The following KYNU variants were observed in gnomAD, a reference collection of about 807,000 sequenced individuals.
The protein encoded by KYNU is kynureninase, also known as L-kynurenine hydrolase.
A neutral mutation model predicts 59.2 loss-of-function variants in KYNU; 54 were observed. The observed-to-expected ratio is 0.91, with a 90% CI of 0.73 to 1.14. The LOEUF (loss-of-function observed/expected upper bound fraction) is 1.14, where lower values mean the gene tolerates loss of function less well. Among genes scored for constraint, KYNU ranks in the 50% most tolerant of loss-of-function variants. KYNU has a pLI of 0.00. For missense variants in KYNU, 567 were observed against 554.4 expected, an observed-to-expected ratio of 1.02 and a Z score of -0.23; for synonymous variants, 177 against 192.0, an observed-to-expected ratio of 0.92 and a Z score of 0.65.
Position 142,923,849 on chromosome 2 carries a change from C to T in KYNU, c.291-3810C>T, listed in dbSNP as rs762938717. 5.3e-5 allele frequency among the ~76,000 whole-genome samples: 8 copies of T among 152,222 alleles called. No homozygotes were observed. In the East Asian group the frequency reaches 1.5e-3, roughly 29 times the overall value. On this transcript the variant is annotated intron_variant, in intron 3 of 13. Coordinates refer to ENST00000264170, the MANE Select transcript of KYNU (RefSeq NM_003937.3). The stretch of plus-strand genomic sequence containing the variant: ...CAGTTTAGGTAAGATTATTTAAAGA[C>T]AAAAATGTCCCTTTGAATTAAATAT...
intron 2 of KYNU, among the ~76,000 whole-genome samples, chr2:142,910,436 T>C (rs1163861864): frequency 6.6e-6 from 1 of 152,152 alleles, no homozygotes; most frequent in Non-Finnish European, 1.5e-5. Flanking sequence ...GTTTCTCGCT[T>C]GTCGAATTGC....
chr2:142,902,202 C>A (rs1453384225), intron 2 of KYNU, among the ~76,000 whole-genome samples: 1 of 152,174 alleles, frequency 6.6e-6, no homozygotes, highest in Non-Finnish European at 1.5e-5. Context: ...ATGATGCCAA[C>A]CCTTTGCCAC....
intron 2 of KYNU, among the ~76,000 whole-genome samples, chr2:142,907,026 G>T (rs549054749): frequency 6.6e-6 from 1 of 152,136 alleles, no homozygotes; most frequent in Non-Finnish European, 1.5e-5. Context: ...CAGGTGCCCG[G>T]TATTTTCCTC....
In KYNU at chr2:143,049,505, A is replaced by G. The variant is rs576123811; in HGVS notation, c.*7333A>G. On this transcript the variant is annotated 3_prime_UTR_variant, in exon 14 of 14. Transcript: ENST00000264170. Reference sequence around the variant, plus strand: ...CAGTCAGGAGAAGGATAATCTTCACACTACAGTTTATGCTTCAGAAGCCAC... The same window carrying G: ...CAGTCAGGAGAAGGATAATCTTCACGCTACAGTTTATGCTTCAGAAGCCAC... The G allele has an allele frequency of 2.0e-5, 3 of 152,332 alleles. No individual in the cohort carries two copies. Among genetic ancestry groups the G allele is most frequent in the African/African-American group, 7.2e-5 (3 of 41,578 alleles). The allele number at this position is 152,332 out of a possible 1,614,324, so 9.4% of individuals were successfully genotyped here. A position where few individuals can be genotyped will look rare whatever the true frequency, so the allele number is the denominator to read the frequency against.
chr2:143,003,786 T>C (rs1036035728), intron 10 of KYNU, among the ~76,000 whole-genome samples: 3 of 152,018 alleles, frequency 2.0e-5, no homozygotes, highest in Non-Finnish European at 2.9e-5. Flanking sequence ...AACAACAAAA[T>C]TAATAACTGA....
chr2:142,946,891 C>T (rs1376057759), intron 4 of KYNU, among the ~76,000 whole-genome samples: 1 of 152,160 alleles, frequency 6.6e-6, no homozygotes, highest in Non-Finnish European at 1.5e-5. Context: ...AAGCCTGCAT[C>T]AATGATCTTA....
chr2:143,041,663 A>G (rs889594056), intron 13 of KYNU, among the ~76,000 whole-genome samples: 4 of 151,988 alleles, frequency 2.6e-5, no homozygotes, highest in African/African-American at 9.7e-5. Flanking sequence ...AGGATAATTT[A>G]CTAAAACTCT....
chr2:142,903,277 A>T (rs771164680), intron 2 of KYNU, among the ~76,000 whole-genome samples: 3 of 152,000 alleles, frequency 2.0e-5, no homozygotes, highest in Non-Finnish European at 2.9e-5. Context: ...CACGACGGGC[A>T]TTATTTGCTC....
At chr2:142,972,803 T>TAGAG (rs1194012615) in intron 8 of KYNU, among the ~76,000 whole-genome samples, 29 of 138,592 alleles carry the variant, frequency 2.1e-4, no homozygotes, top group African/African-American at 7.7e-4. Flanking sequence ...TATATATATA[T>TAGAG]ATATATATAT....
In KYNU at chr2:143,020,097, A is replaced by G. The variant is rs547041209; in HGVS notation, c.903-9530A>G. On this transcript the variant is annotated intron_variant, in intron 10 of 13. Transcript: ENST00000264170. ...GCATTTAGTTTTGTTGATCTTTTAT[A>G]TTTGTTTTATTCTCAATTTTATTTA... Among the ~76,000 whole-genome samples the G allele has an allele frequency of 8.6e-5, 13 of 151,150 alleles. 1 individual carries two copies. Among genetic ancestry groups the G allele is most frequent in the Admixed American group, 2.6e-4 (4 of 15,214 alleles).
chr2:142,898,947 C>G (rs112470512), intron 2 of KYNU, among the ~76,000 whole-genome samples: 30 of 152,220 alleles, frequency 2.0e-4, no homozygotes, highest in African/African-American at 7.0e-4. Flanking sequence ...TTAGCCCGAT[C>G]GGGAGCAGAA....
chr2:142,984,996 G>A (rs1390260870), intron 8 of KYNU, 88 bp from the exon 9 acceptor site: 1 of 833,100 alleles, frequency 1.2e-6, no homozygotes. Flanking sequence ...TGGTACAGAA[G>A]TTTGTCAAAT....
At chr2:143,011,128 C>CT (rs1376662948) in intron 10 of KYNU, among the ~76,000 whole-genome samples, 1 of 145,778 alleles carries the variant, frequency 6.9e-6, no homozygotes, top group African/African-American at 2.6e-5. Context: ...AACAGGCAAC[C>CT]TACAAAATGG....
chr2:142,905,678 G>T (rs1343175603), intron 2 of KYNU, among the ~76,000 whole-genome samples: 1 of 152,186 alleles, frequency 6.6e-6, no homozygotes, highest in South Asian at 2.1e-4. Context: ...TCACAATAAG[G>T]TTTCCTCTAA....
rs1435237527 is a variant in KYNU, at chr2:143,051,432, A to G, written c.*9260A>G. The G allele has an allele frequency of 1.3e-5, 2 of 152,142 alleles. No individual in the cohort carries two copies. The highest frequency in any genetic ancestry group is 2.9e-5 in the Non-Finnish European group (2 of 68,020). The allele number at this position is 152,142 out of a possible 1,614,324, so 9.4% of individuals were successfully genotyped here. A position where few individuals can be genotyped will look rare whatever the true frequency, so the allele number is the denominator to read the frequency against. On this transcript the variant is annotated 3_prime_UTR_variant, in exon 14 of 14. Coordinates refer to ENST00000264170, the MANE Select transcript of KYNU (RefSeq NM_003937.3). The stretch of plus-strand genomic sequence containing the variant: ...GTTTCTAGGATTTTTTAGTTAAAAG[A>G]AAATACATATTTTAAAAATATAAAT...
intron 10 of KYNU, among the ~76,000 whole-genome samples, chr2:142,986,239 G>A (rs1228634941): frequency 6.6e-6 from 1 of 151,874 alleles, no homozygotes; most frequent in Non-Finnish European, 1.5e-5. Context: ...AAAAAGGGAA[G>A]CTTCAGTGCT....
chr2:143,010,059 A>G (rs1307357990), intron 10 of KYNU, among the ~76,000 whole-genome samples: 1 of 143,022 alleles, frequency 7.0e-6, no homozygotes, highest in East Asian at 2.1e-4. Flanking sequence ...AGTTCTGGCC[A>G]GGGCAGTTAG....
chr2:142,941,068 A>T (rs1262928254), intron 4 of KYNU, among the ~76,000 whole-genome samples: 1 of 152,080 alleles, frequency 6.6e-6, no homozygotes, highest in Non-Finnish European at 1.5e-5. Context: ...TGTTTTTATA[A>T]AGCTCAATCC....
At chr2:142,903,433 G>T (rs938800952) in intron 2 of KYNU, among the ~76,000 whole-genome samples, 1 of 151,944 alleles carries the variant, frequency 6.6e-6, no homozygotes. Context: ...AGGGAGTGGG[G>T]TTTTTAGGCA....
Sources: gnomAD v4.1 joint callset for allele counts (sites outside exome capture counted in the v4.1 genomes callset) on GRCh38, gnomAD v4.1.1 for gene constraint, MANE v1.5 for transcripts, NCBI Gene and HGNC (gene_info 2026-07-23, HGNC 2026-07-21) for gene names.